Variants in ATP2B2 observed in about 807,000 individuals in gnomAD.
ATP2B2 encodes plasma membrane calcium-transporting ATPase 2.
A neutral mutation model predicts 120.0 loss-of-function variants in ATP2B2; 15 were observed. That is an observed-to-expected ratio of 0.12 (90% confidence interval 0.08 to 0.19). ATP2B2 has a LOEUF of 0.19. Among genes scored for constraint, ATP2B2 ranks in the 10% least tolerant of loss-of-function variants. The probability of loss-of-function intolerance (pLI) is 1.00; values close to 1 mark genes in which losing one functional copy is unlikely to be tolerated. For missense variants in ATP2B2, 1,045 were observed against 1,719.8 expected, an observed-to-expected ratio of 0.61 and a Z score of 6.94; for synonymous variants, 694 against 700.3, an observed-to-expected ratio of 0.99 and a Z score of 0.14.
intron 13 of ATP2B2, 39 bp downstream of exon 13, chr3:10,359,843 G>T: frequency 6.2e-7 from 1 of 1,613,602 alleles, no homozygotes; most frequent in South Asian, 1.1e-5. Context: ...CCTGCACCAG[G>T]GCACAGCCCT....
intron 1 of ATP2B2, among the ~76,000 whole-genome samples, chr3:10,493,257 G>A (rs7647808): frequency 1.3e-5 from 2 of 152,238 alleles, no homozygotes; most frequent in South Asian, 2.1e-4. Flanking sequence ...GTGAGGGGGT[G>A]GGGGAGCTCT....
chr3:10,621,209 T>G (rs1479739849), intron 1 of ATP2B2, among the ~76,000 whole-genome samples: 2 of 152,242 alleles, frequency 1.3e-5, no homozygotes, highest in Non-Finnish European at 2.9e-5. Context: ...TCTCTTCTAC[T>G]GCACACCCTT....
intron 2 of ATP2B2, among the ~76,000 whole-genome samples, chr3:10,415,640 T>C (rs555005933): frequency 2.0e-5 from 3 of 152,358 alleles, no homozygotes; most frequent in South Asian, 4.1e-4. Flanking sequence ...CTTTCCTTTC[T>C]GCTGAAAATT....
intron 2 of ATP2B2, among the ~76,000 whole-genome samples, chr3:10,604,922 A>C (rs1284575818): frequency 6.6e-6 from 1 of 152,054 alleles, no homozygotes; most frequent in African/African-American, 2.4e-5. Flanking sequence ...AGTGCATTCA[A>C]CTGTTCTTGT....
intron 7 of ATP2B2, among the ~76,000 whole-genome samples, chr3:10,386,128 T>A (rs868464294): frequency 4.6e-5 from 7 of 152,104 alleles, no homozygotes; most frequent in Non-Finnish European, 8.8e-5. Context: ...GGGCATGGGC[T>A]CCCCAGGGGT....
At chr3:10,646,579 G>C (rs1559502723) in intron 1 of ATP2B2, among the ~76,000 whole-genome samples, 2 of 152,066 alleles carry the variant, frequency 1.3e-5, no homozygotes, top group Admixed American at 6.6e-5. Context: ...TCTATCAGCT[G>C]TTTCTTCATT....
rs142754769 is a variant in ATP2B2 at position 10,579,541 on chromosome 3, G to A, written c.-415+40376C>T. 3.6e-4 allele frequency among the ~76,000 whole-genome samples: 55 copies of A among 152,360 alleles called. No individual in the cohort carries two copies. In the East Asian group the frequency reaches 8.5e-3, roughly 24 times the overall value. Reference sequence around the variant, plus strand: ...ATACAATAATTAGCTGGGCATGGTGGTGCACACCTGTAACTCCAGCACTTT... The same window carrying A: ...ATACAATAATTAGCTGGGCATGGTGATGCACACCTGTAACTCCAGCACTTT... On this transcript the variant is annotated intron_variant, in intron 2 of 21. Transcript: ENST00000646379.
At chr3:10,689,529 A>G (rs2071606250) in intron 1 of ATP2B2, among the ~76,000 whole-genome samples, 2 of 152,216 alleles carry the variant, frequency 1.3e-5, no homozygotes, top group South Asian at 4.1e-4. Context: ...AGATACCAAC[A>G]TTAAAAAAAA....
chr3:10,571,286 C>T (rs2125544694), intron 2 of ATP2B2, among the ~76,000 whole-genome samples: 2 of 152,304 alleles, frequency 1.3e-5, no homozygotes, highest in East Asian at 3.9e-4. Context: ...TGTATGAGGC[C>T]AGGAGGACTG....
chr3:10,564,302 C>T (rs1017551943), intron 2 of ATP2B2, among the ~76,000 whole-genome samples: 4 of 152,174 alleles, frequency 2.6e-5, no homozygotes, highest in African/African-American at 7.2e-5. Flanking sequence ...CAACCAATTC[C>T]CTGCATTAAA....
At chr3:10,648,559 T>C (rs2070377689) in intron 1 of ATP2B2, among the ~76,000 whole-genome samples, 1 of 152,204 alleles carries the variant, frequency 6.6e-6, no homozygotes, top group Non-Finnish European at 1.5e-5. Context: ...TCTTAATTGA[T>C]ATTTCCACCT....
At position 10,371,984 on chromosome 3, in the gene ATP2B2, G is replaced by A; in HGVS notation, c.1484C>T (p.Ala495Val). 1 of 1,614,192 alleles carries A rather than the reference G, an allele frequency of 6.2e-7. No homozygotes were observed. Among genetic ancestry groups the A allele is most frequent in the Non-Finnish European group, 8.5e-7 (1 of 1,180,034 alleles). ...DACETMGNAT[A>V]ICSDKTGTLT... is the part of the protein sequence containing the mutation. The stretch of plus-strand genomic sequence containing the variant: ...CGTGCCTGTCTTGTCTGAGCAGATG[G>A]CTGTGGCATTGCCCATGGTCTCACA... Residue 495 changes from alanine to valine, a missense_variant, in exon 12 of 23, where the codon GCC becomes GTC. By Grantham distance (64) the Ala-to-Val change is moderately conservative. Coordinates refer to ENST00000360273, the MANE Select transcript of ATP2B2 (RefSeq NM_001001331.4).
intron 3 of ATP2B2, among the ~76,000 whole-genome samples, chr3:10,521,834 G>A (rs933769611): frequency 8.5e-5 from 13 of 152,174 alleles, no homozygotes; most frequent in African/African-American, 7.2e-5. Flanking sequence ...CAGAGGCCAC[G>A]CCAGCCACAT....
chr3:10,343,849 G>A lies in ATP2B2; in HGVS notation c.2704-884C>T, dbSNP rs545663155. On this transcript the variant is annotated intron_variant, in intron 18 of 22. Transcript: ENST00000360273. The surrounding 1 kb of genome is among the most constrained non-coding windows in gnomAD (Gnocchi z 4.2). Reference sequence around the variant, plus strand: ...GTCGTCCTCCCTTCCTTTTAAATCTGTGTTCCTGCCTCAGCCCCATTCTCC... The same window carrying A: ...GTCGTCCTCCCTTCCTTTTAAATCTATGTTCCTGCCTCAGCCCCATTCTCC... Among the ~76,000 whole-genome samples, 323 of 152,154 alleles carry A rather than the reference G, an allele frequency of 2.1e-3. 1 individual carries two copies. The highest frequency in any genetic ancestry group is 7.4e-3 in the African/African-American group (308 of 41,508).
chr3:10,537,641 G>A (rs1404131885), intron 2 of ATP2B2, among the ~76,000 whole-genome samples: 1 of 152,050 alleles, frequency 6.6e-6, no homozygotes, highest in Non-Finnish European at 1.5e-5. Context: ...AACAGGGAGA[G>A]TTTTATTTCT....
intron 7 of ATP2B2, among the ~76,000 whole-genome samples, chr3:10,386,054 G>T (rs1185459891): frequency 1.3e-5 from 2 of 152,228 alleles, no homozygotes; most frequent in Non-Finnish European, 2.9e-5. Context: ...TCTTTCTTGT[G>T]GGTAGGGAAT....
chr3:10,386,601 G>T, intron 6 of ATP2B2, 89 bp from the exon 7 acceptor site: 2 of 1,406,108 alleles, frequency 1.4e-6, no homozygotes, highest in Non-Finnish European at 2.0e-6. Flanking sequence ...AAACACACAT[G>T]TGCATACACA....
At chr3:10,480,906 G>T (rs1231235785) in intron 1 of ATP2B2, among the ~76,000 whole-genome samples, 7 of 152,252 alleles carry the variant, frequency 4.6e-5, no homozygotes, top group Non-Finnish European at 1.0e-4. Flanking sequence ...CCTCAGTGGG[G>T]TCTGCAAGGC....
At chr3:10,502,946 C>T (rs1207609022) in intron 1 of ATP2B2, among the ~76,000 whole-genome samples, 1 of 152,238 alleles carries the variant, frequency 6.6e-6, no homozygotes, top group South Asian at 2.1e-4. Flanking sequence ...AGCTTCACCT[C>T]TCTAGATACA....
Sources: gnomAD v4.1 joint callset for allele counts (sites outside exome capture counted in the v4.1 genomes callset) on GRCh38, gnomAD v4.1.1 for gene constraint, Gnocchi (gnomAD v3.1) non-coding constraint, MANE v1.5 for transcripts, NCBI Gene and HGNC (gene_info 2026-07-23, HGNC 2026-07-21) for gene names.